Variants in CSMD1 observed in about 807,000 individuals in gnomAD.
The protein encoded by CSMD1 is CUB and Sushi multiple domains 1.
CSMD1 carries 213 observed loss-of-function variants against 417.5 expected under a neutral mutation model. The ratio of observed to expected loss-of-function variants is 0.51; its 90% CI spans 0.46 to 0.57. CSMD1 has a LOEUF of 0.57. Among genes scored for constraint, CSMD1 ranks in the 20% least tolerant of loss-of-function variants. The pLI, the probability that CSMD1 is intolerant of heterozygous loss-of-function variation, is 0.00. For synonymous variants in CSMD1, 2,862 were observed against 1,736.8 expected (o/e 1.65, Z -16.11); for missense variants, 6,923 against 4,529.7 (o/e 1.53, Z -15.17).
intron 5 of CSMD1, among the ~76,000 whole-genome samples, chr8:3,953,357 C>T (rs372534907): frequency 4.0e-4 from 61 of 152,108 alleles, no homozygotes; most frequent in African/African-American, 1.1e-3. Flanking sequence ...ACATTACATG[C>T]CATATAATGC....
intron 10 of CSMD1, among the ~76,000 whole-genome samples, chr8:3,552,930 T>C (rs762631895): frequency 2.0e-5 from 3 of 152,214 alleles, no homozygotes; most frequent in East Asian, 1.9e-4. Flanking sequence ...AAATCTGTTA[T>C]AATTTTTGAT....
chr8:3,810,501 G>C (rs775511714), intron 5 of CSMD1, among the ~76,000 whole-genome samples: 1 of 152,110 alleles, frequency 6.6e-6, no homozygotes, highest in East Asian at 1.9e-4. Context: ...CCTGGGGCTG[G>C]TCATGGAAGA....
chr8:3,638,146 T>A (rs1030877369), intron 7 of CSMD1, among the ~76,000 whole-genome samples: 1 of 152,208 alleles, frequency 6.6e-6, no homozygotes, highest in African/African-American at 2.4e-5. Context: ...TAAGATCTCC[T>A]GCCCCTCACT....
At chr8:3,865,506 T>A (rs1305738779) in intron 5 of CSMD1, among the ~76,000 whole-genome samples, 1 of 150,286 alleles carries the variant, frequency 6.7e-6, no homozygotes, top group Non-Finnish European at 1.5e-5. Context: ...AGGGTGACAA[T>A]AGTGGGGGAA....
At chr8:4,871,015 C>G (rs1802707330) in intron 1 of CSMD1, among the ~76,000 whole-genome samples, 1 of 152,098 alleles carries the variant, frequency 6.6e-6, no homozygotes, top group South Asian at 2.1e-4. Flanking sequence ...GGTGTCAGAG[C>G]TGTGCTCACC....
intron 12 of CSMD1, among the ~76,000 whole-genome samples, chr8:3,422,148 G>C (rs1813531499): frequency 6.6e-6 from 1 of 152,150 alleles, no homozygotes; most frequent in African/African-American, 2.4e-5. Context: ...CTCTGCACCA[G>C]TGTTTCATTC....
intron 21 of CSMD1, 100 bp downstream of exon 21, chr8:3,359,052 T>C: frequency 9.0e-7 from 1 of 1,116,620 alleles, no homozygotes; most frequent in Non-Finnish European, 1.3e-6. Flanking sequence ...TCTCCTTCCT[T>C]GTCAACAAAC....
At position 3,050,904 on chromosome 8, in the gene CSMD1, T is replaced by C. The variant is rs142236885; in HGVS notation, c.7660+1558A>G. On this transcript the variant is annotated intron_variant, in intron 50 of 69. Coordinates refer to ENST00000635120, the MANE Select transcript of CSMD1 (RefSeq NM_033225.6). ...AAGACTATGTGAATCCTTCTGCTAG[T>C]ATCACTGGCGCAAAAATATCATTGT... Among the ~76,000 whole-genome samples the C allele has an allele frequency of 4.6e-3, 702 of 152,312 alleles. 1 individual carries two copies. Among genetic ancestry groups the C allele is most frequent in the Non-Finnish European group, 7.4e-3 (500 of 68,022 alleles).
chr8:4,921,771 C>T (rs928980817), intron 1 of CSMD1, among the ~76,000 whole-genome samples: 1 of 152,084 alleles, frequency 6.6e-6, no homozygotes, highest in African/African-American at 2.4e-5. Flanking sequence ...TCTTCTCCAC[C>T]AGCCATTTTT....
chr8:4,087,344 T>C (rs1456769166), intron 3 of CSMD1, among the ~76,000 whole-genome samples: 7 of 152,204 alleles, frequency 4.6e-5, no homozygotes, highest in African/African-American at 1.7e-4. Context: ...AGGGAACCAC[T>C]TGCAAGTCTG....
chr8:4,647,759 G>A (rs1803628938), intron 1 of CSMD1, among the ~76,000 whole-genome samples: 1 of 152,164 alleles, frequency 6.6e-6, no homozygotes, highest in Non-Finnish European at 1.5e-5. Flanking sequence ...CCTTTCTTAT[G>A]GCTGCATAGT....
intron 1 of CSMD1, among the ~76,000 whole-genome samples, chr8:4,790,871 T>C (rs752252716): frequency 5.3e-5 from 8 of 152,088 alleles, no homozygotes; most frequent in Non-Finnish European, 8.8e-5. Context: ...ACCTAAACTA[T>C]AAAAACCCTA....
intron 3 of CSMD1, among the ~76,000 whole-genome samples, chr8:4,061,760 T>C (rs963361660): frequency 6.6e-6 from 1 of 152,216 alleles, no homozygotes; most frequent in African/African-American, 2.4e-5. Context: ...CCTCTCTGCA[T>C]GTTCAGTACC....
intron 7 of CSMD1, among the ~76,000 whole-genome samples, chr8:3,693,335 A>G (rs560762610): frequency 2.0e-5 from 3 of 152,296 alleles, no homozygotes; most frequent in East Asian, 1.9e-4. Flanking sequence ...TTTTTTTTCA[A>G]TTATTGTCAG....
chr8:3,964,167 C>A (rs780837750), intron 5 of CSMD1, among the ~76,000 whole-genome samples: 1 of 152,148 alleles, frequency 6.6e-6, no homozygotes, highest in Non-Finnish European at 1.5e-5. Context: ...CAATTTTCAT[C>A]TTAACAAGTA....
chr8:4,137,820 T>G lies in CSMD1; in HGVS notation c.416-105721A>C, dbSNP rs1315784390. On this transcript the variant is annotated intron_variant, in intron 3 of 69. Transcript: ENST00000635120. ...AAATTAATTTTCCCCTTACATTATG[T>G]CAGAAACTCAGTTAGTGTTATTTTA... Among the ~76,000 whole-genome samples the G allele has an allele frequency of 1.3e-5, 2 of 151,670 alleles. 1 individual carries two copies. Among genetic ancestry groups the G allele is most frequent in the African/African-American group, 4.8e-5 (2 of 41,388 alleles).
Position 3,788,935 on chromosome 8 carries a change from C to T in CSMD1, c.819-34893G>A, listed in dbSNP as rs755097558. Among the ~76,000 whole-genome samples the T allele has an allele frequency of 8.1e-4, 124 of 152,172 alleles. 1 individual carries two copies. Among genetic ancestry groups the T allele is most frequent in the Non-Finnish European group, 7.3e-4 (50 of 68,034 alleles). On this transcript the variant is annotated intron_variant, in intron 5 of 69. Transcript: ENST00000635120. ...GGACTTAGGCTATGGGTACGTATTT[C>T]CTAGACAGTATTGTAGAATTTAAAT...
At chr8:3,059,680 G>A (rs548258600) in intron 49 of CSMD1, among the ~76,000 whole-genome samples, 3 of 152,264 alleles carry the variant, frequency 2.0e-5, no homozygotes, top group East Asian at 3.9e-4. Context: ...CCTGAGTGGG[G>A]CAGACGTAGG....
chr8:2,994,122 G>A (rs1430070172), intron 54 of CSMD1, among the ~76,000 whole-genome samples: 5 of 121,994 alleles, frequency 4.1e-5, no homozygotes, highest in African/African-American at 2.0e-4. Context: ...CTCCAGCCTG[G>A]GCAACAGAGC....
Sources: allele counts gnomAD v4.1 joint callset (sites outside exome capture counted in the v4.1 genomes callset), GRCh38; gene constraint gnomAD v4.1.1; transcripts MANE v1.5; gene names NCBI Gene and HGNC (gene_info 2026-07-23, HGNC 2026-07-21).